The following ERBB4 variants were observed in gnomAD, a reference collection of about 807,000 sequenced individuals.
The protein encoded by ERBB4 is erb-b2 receptor tyrosine kinase 4, also known as receptor tyrosine-protein kinase erbB-4.
A neutral mutation model predicts 158.0 loss-of-function variants in ERBB4; 42 were observed. The observed-to-expected ratio is 0.27, with a 90% CI of 0.21 to 0.34. The LOEUF (loss-of-function observed/expected upper bound fraction) is 0.34, where lower values mean the gene tolerates loss of function less well. ERBB4 is among the 10% of genes least tolerant of loss of function. The pLI, the probability that ERBB4 is intolerant of heterozygous loss-of-function variation, is 1.00. For synonymous variants in ERBB4, 583 were observed against 558.7 expected, an observed-to-expected ratio of 1.04 and a Z score of -0.61; for missense variants, 1,333 against 1,624.1, an observed-to-expected ratio of 0.82 and a Z score of 3.08.
At chr2:212,432,238 A>C in intron 1 of ERBB4, among the ~76,000 whole-genome samples, 1 of 152,326 alleles carries the variant, frequency 6.6e-6, no homozygotes, top group Middle Eastern at 3.4e-3. Flanking sequence ...TTGTTAATAA[A>C]GATAAACAGA....
intron 15 of ERBB4, among the ~76,000 whole-genome samples, chr2:211,663,512 T>C (rs1357080399): frequency 6.6e-6 from 1 of 152,156 alleles, no homozygotes; most frequent in Non-Finnish European, 1.5e-5. Context: ...TCCTTCCTTT[T>C]GACTGAGATC....
At chr2:211,967,931 G>A (rs2081348687) in intron 2 of ERBB4, among the ~76,000 whole-genome samples, 1 of 151,654 alleles carries the variant, frequency 6.6e-6, no homozygotes, top group Non-Finnish European at 1.5e-5. Flanking sequence ...TTTTCTCTGT[G>A]GGGATGTTAA....
chr2:212,259,057 T>C (rs950392233), intron 1 of ERBB4, among the ~76,000 whole-genome samples: 1 of 152,148 alleles, frequency 6.6e-6, no homozygotes, highest in Non-Finnish European at 1.5e-5. Flanking sequence ...GGGTATAAAA[T>C]TCTTCCAACT....
chr2:212,382,699 A>AT (rs1378061888), intron 1 of ERBB4, among the ~76,000 whole-genome samples: 2 of 151,256 alleles, frequency 1.3e-5, no homozygotes, highest in Non-Finnish European at 3.0e-5. Flanking sequence ...TAACAGCGGT[A>AT]TTTTTTCTGC....
At chr2:211,714,441 C>G (rs2073828318) in intron 7 of ERBB4, among the ~76,000 whole-genome samples, 1 of 152,132 alleles carries the variant, frequency 6.6e-6, no homozygotes. Context: ...TTGAGGGGTG[C>G]CCAAAGCAGA....
In ERBB4 at chr2:212,286,594, C is replaced by CTTTTT. The variant is rs71054190; in HGVS notation, c.83-161696_83-161692dup. Among the ~76,000 whole-genome samples the CTTTTT allele has an allele frequency of 3.1e-3, 173 of 55,538 alleles. 18 individuals are homozygous for CTTTTT. Among genetic ancestry groups the CTTTTT allele is most frequent in the African/African-American group, 9.6e-3 (165 of 17,244 alleles). 36.4% of individuals were successfully genotyped at this position (55,538 alleles called of 152,430 possible). A position where few individuals can be genotyped will look rare whatever the true frequency, so the allele number is the denominator to read the frequency against. On this transcript the variant is annotated intron_variant, in intron 1 of 27. Coordinates refer to ENST00000342788, the MANE Select transcript of ERBB4 (RefSeq NM_005235.3). ...AATGAGATGATTACATAAGTGCTGA[C>CTTTTT]TTTTTTTTTTTTTTTTTTTTTTTTT...
chr2:211,524,926 C>T (rs968545865), intron 20 of ERBB4, among the ~76,000 whole-genome samples: 2 of 152,168 alleles, frequency 1.3e-5, no homozygotes, highest in African/African-American at 2.4e-5. Flanking sequence ...ACTGCCAGCA[C>T]GCTGCCACCT....
In ERBB4 at chr2:212,346,623, T is replaced by C. The variant is rs112863679; in HGVS notation, c.82+191826A>G. ...TGATTCAAAACACCAACAACCATCA[T>C]GCGAAAAAATATTGTCAAGTTATAT... On this transcript the variant is annotated intron_variant, in intron 1 of 27. Coordinates refer to ENST00000342788, the MANE Select transcript of ERBB4 (RefSeq NM_005235.3). 9.2e-3 allele frequency among the ~76,000 whole-genome samples: 1,406 copies of C among 152,128 alleles called. 13 individuals are homozygous for C. Among genetic ancestry groups the C allele is most frequent in the African/African-American group, 0.031 (1,288 of 41,478 alleles).
chr2:211,920,103 T>C lies in ERBB4; in HGVS notation c.421+27327A>G, dbSNP rs117070351. On this transcript the variant is annotated intron_variant, in intron 3 of 27. Transcript: ENST00000342788. ...AAAAATCTGGCAAAAACTCCCATTG[T>C]TTTAAAAATGCAACTGACATAAGCA... Among the ~76,000 whole-genome samples, 702 of 152,094 alleles carry C rather than the reference T, an allele frequency of 4.6e-3. 7 individuals carry two copies. Among genetic ancestry groups the C allele is most frequent in the Admixed American group, 0.033 (502 of 15,268 alleles).
chr2:211,727,077 T>C (rs539543502), intron 5 of ERBB4, among the ~76,000 whole-genome samples: 111 of 152,330 alleles, frequency 7.3e-4, no homozygotes, highest in African/African-American at 2.7e-3. Flanking sequence ...ATTTTCTCAC[T>C]ATTGCTTCTG....
At chr2:211,397,145 C>T (rs981327295) in intron 25 of ERBB4, among the ~76,000 whole-genome samples, 8 of 152,104 alleles carry the variant, frequency 5.3e-5, no homozygotes, top group Non-Finnish European at 1.2e-4. Context: ...AATAGCCCTC[C>T]CCGAGAGCTA....
At chr2:212,292,832 T>C (rs1196854052) in intron 1 of ERBB4, among the ~76,000 whole-genome samples, 1 of 152,072 alleles carries the variant, frequency 6.6e-6, no homozygotes, top group East Asian at 1.9e-4. Context: ...CATGTATCAA[T>C]TAATAGGTCA....
At chr2:211,879,915 A>C (rs958894772) in intron 3 of ERBB4, among the ~76,000 whole-genome samples, 2 of 151,642 alleles carry the variant, frequency 1.3e-5, no homozygotes, top group African/African-American at 4.8e-5. Flanking sequence ...TTTGGGTAAG[A>C]GAATGAAGTC....
Position 212,474,822 on chromosome 2 carries a change from C to CTTTTTTTTTT in ERBB4, c.82+63617_82+63626dup, listed in dbSNP as rs539959668. On this transcript the variant is annotated intron_variant, in intron 1 of 27. Transcript: ENST00000342788. Reference sequence around the variant, plus strand: ...CACCATTTCCTGACACCCGGCCATTCTTTTTTTTTTTTTTTTTTGTCAAGA... The same window carrying CTTTTTTTTTT: ...CACCATTTCCTGACACCCGGCCATTCTTTTTTTTTTTTTTTTTTTTTTTTTTTTGTCAAGA... Among the ~76,000 whole-genome samples the CTTTTTTTTTT allele has an allele frequency of 4.2e-3, 395 of 94,374 alleles. 22 individuals carry two copies. The highest frequency in any genetic ancestry group is 0.02 in the African/African-American group (326 of 16,410). The allele number at this position is 94,374 out of a possible 152,430, so 61.9% of individuals were successfully genotyped here. A position where few individuals can be genotyped will look rare whatever the true frequency, so the allele number is the denominator to read the frequency against.
intron 14 of ERBB4, among the ~76,000 whole-genome samples, chr2:211,668,929 A>G (rs537115846): frequency 2.6e-5 from 4 of 152,244 alleles, no homozygotes; most frequent in Admixed American, 6.5e-5. Context: ...TTTCCAGTGT[A>G]CTTTACAAGA....
chr2:211,412,826 T>C (rs1284384450), intron 25 of ERBB4, among the ~76,000 whole-genome samples: 2 of 151,542 alleles, frequency 1.3e-5, no homozygotes, highest in Non-Finnish European at 2.9e-5. Context: ...TGGTGGCGTG[T>C]GCCTGTAATC....
chr2:212,021,915 G>A (rs933149883), intron 2 of ERBB4, among the ~76,000 whole-genome samples: 2 of 151,982 alleles, frequency 1.3e-5, no homozygotes, highest in Admixed American at 1.3e-4. Context: ...AGAAACATAC[G>A]AAGAAAAGCT....
chr2:211,709,278 T>C (rs910198717), intron 9 of ERBB4, among the ~76,000 whole-genome samples: 8 of 129,510 alleles, frequency 6.2e-5, no homozygotes, highest in Non-Finnish European at 1.1e-4. Context: ...TATATATACA[T>C]ACATATATAT....
At chr2:211,496,993 A>G (rs2065485292) in intron 20 of ERBB4, among the ~76,000 whole-genome samples, 1 of 152,098 alleles carries the variant, frequency 6.6e-6, no homozygotes, top group South Asian at 2.1e-4. Context: ...AAACTCCAAG[A>G]AGGAAGAATG....
Sources: gnomAD v4.1 joint callset for allele counts (sites outside exome capture counted in the v4.1 genomes callset) on GRCh38, gnomAD v4.1.1 for gene constraint, MANE v1.5 for transcripts, NCBI Gene and HGNC (gene_info 2026-07-23, HGNC 2026-07-21) for gene names.